Variants in TPRKB observed in about 807,000 individuals in gnomAD.
TPRKB encodes the protein EKC/KEOPS complex subunit TPRKB.
Under a neutral mutation model 17.8 loss-of-function variants are expected in TPRKB, and 11 were observed. That is an observed-to-expected ratio of 0.62 (90% CI 0.39 to 1.02). TPRKB has a LOEUF of 1.02. Ranked by LOEUF, TPRKB falls within the 50% of genes least tolerant of loss-of-function variation. The pLI is 0.00. For synonymous variants in TPRKB, 71 were observed against 69.5 expected (o/e 1.02, Z -0.11); for missense variants, 228 against 198.0 (o/e 1.15, Z -0.91).
rs774449039 is a variant in TPRKB, at chr2:73,730,628, G to C, written c.373C>G (p.Gln125Glu). The part of the protein sequence containing the change: ...KQINQEYLIS[Q>E]VEGHQVSLKN... ...AGAGAAACCTGATGACCTTCTACTT[G>C]AGATATTAGGTATTCTTGATTTATT... The change falls in exon 4 of 5, where the codon CAA becomes GAA. Residue 125 changes from glutamine to glutamate, a missense_variant. Transcript: ENST00000272424. 8 of 1,589,690 alleles carry C rather than the reference G, an allele frequency of 5.0e-6. No homozygotes were observed. In the East Asian group the frequency reaches 1.8e-4, roughly 36 times the overall value.
intron 1 of TPRKB, among the ~76,000 whole-genome samples, chr2:73,735,092 G>A (rs1671817040): frequency 2.0e-5 from 3 of 152,150 alleles, no homozygotes; most frequent in South Asian, 4.1e-4. Flanking sequence ...ACTCTGGGAG[G>A]CCGAGGCGAG....
At chr2:73,733,567 T>G (rs1002818821) in intron 2 of TPRKB, among the ~76,000 whole-genome samples, 1 of 152,086 alleles carries the variant, frequency 6.6e-6, no homozygotes, top group Non-Finnish European at 1.5e-5. Context: ...ACTGTCTTGT[T>G]AGGAACCCCC....
intron 1 of TPRKB, among the ~76,000 whole-genome samples, chr2:73,735,984 G>A (rs1671858600): frequency 6.6e-6 from 1 of 151,984 alleles, no homozygotes; most frequent in African/African-American, 2.4e-5. Flanking sequence ...GTGTAAAAAC[G>A]GCAATAAATA....
intron 3 of TPRKB, among the ~76,000 whole-genome samples, chr2:73,731,398 CTGAATTATGTCTAA>C (rs1403220908): frequency 1.2e-4 from 19 of 152,266 alleles, no homozygotes; most frequent in Middle Eastern, 3.4e-3. Context: ...CAAGAGTTTT[CTGAATTATGTCTAA>C]TGATCTCAAG....
intron 1 of TPRKB, among the ~76,000 whole-genome samples, 158 bp downstream of exon 1, chr2:73,737,144 G>C (rs895908811): frequency 2.0e-5 from 3 of 152,114 alleles, no homozygotes; most frequent in African/African-American, 7.3e-5. Context: ...TTCTTGAGGG[G>C]ACAGCCTGAC....
chr2:73,734,396 G>A, intron 2 of TPRKB, 33 bp downstream of exon 2: 1 of 1,596,354 alleles, frequency 6.3e-7, no homozygotes, highest in Non-Finnish European at 8.5e-7. Flanking sequence ...ACCGCACCCA[G>A]CAGGCTCATT....
intron 4 of TPRKB, 120 bp from the exon 5 acceptor site, chr2:73,730,149 A>C: frequency 8.5e-7 from 1 of 1,183,096 alleles, no homozygotes; most frequent in Non-Finnish European, 1.1e-6. Flanking sequence ...ATGGTATAAC[A>C]AACAACAAAT....
chr2:73,735,625 G>A (rs1671844823), intron 1 of TPRKB, among the ~76,000 whole-genome samples: 1 of 152,106 alleles, frequency 6.6e-6, no homozygotes, highest in African/African-American at 2.4e-5. Flanking sequence ...AAAAGGATAG[G>A]TTATTATATA....
chr2:73,734,805 C>A (rs527447964), intron 1 of TPRKB, among the ~76,000 whole-genome samples: 156 of 152,322 alleles, frequency 1.0e-3, no homozygotes, highest in African/African-American at 3.6e-3. Flanking sequence ...CGCCAAGGGG[C>A]CCAGCTGGTT....
chr2:73,737,165 T>G (rs1671933824), intron 1 of TPRKB, 137 bp downstream of exon 1: 1 of 152,346 alleles, frequency 6.6e-6, no homozygotes, highest in Middle Eastern at 3.2e-3. Flanking sequence ...TCTATCATTC[T>G]CGTGCTGCAT....
intron 2 of TPRKB, among the ~76,000 whole-genome samples, chr2:73,733,556 G>C (rs931417210): frequency 2.6e-4 from 39 of 152,038 alleles, no homozygotes; most frequent in Non-Finnish European, 5.4e-4. Context: ...CTCCTCTACA[G>C]ACTGTCTTGT....
At chr2:73,731,912 C>G (rs1671628794) in intron 3 of TPRKB, 1 of 300,940 alleles carries the variant, frequency 3.3e-6, no homozygotes, top group African/African-American at 2.2e-5. Flanking sequence ...CTTGAGGGGT[C>G]TTCCTGACCC....
At position 73,732,170 on chromosome 2, in the gene TPRKB, T is replaced by C. The variant is rs1317079603; in HGVS notation, c.257A>G (p.Asn86Ser). The C allele has an allele frequency of 1.9e-6, 3 of 1,613,430 alleles. No individual in the cohort carries two copies. Among genetic ancestry groups the C allele is most frequent in the Non-Finnish European group, 2.5e-6 (3 of 1,179,802 alleles). ...STEIIFNLSP[N>S]NNISEALKKF... ...TAGGAAAGTGCACATTACATTGTTA[T>C]TTGGGGAAAGGTTGAAAATAATTTC... The change falls in exon 3 of 5, where the codon AAT (asparagine) becomes AGT (serine). Residue 86 changes from asparagine to serine, a missense_variant. Transcript: ENST00000272424.
chr2:73,731,671 G>A (rs1344445449), intron 3 of TPRKB, among the ~76,000 whole-genome samples: 1 of 152,096 alleles, frequency 6.6e-6, no homozygotes, highest in African/African-American at 2.4e-5. Context: ...CATTGAAAAA[G>A]CATTACTATA....
At chr2:73,736,669 T>C in intron 1 of TPRKB, among the ~76,000 whole-genome samples, 1 of 152,210 alleles carries the variant, frequency 6.6e-6, no homozygotes. Flanking sequence ...CTAGGTCACA[T>C]CGCTCATCTA....
intron 2 of TPRKB, among the ~76,000 whole-genome samples, chr2:73,733,600 G>T (rs1671735750): frequency 6.6e-6 from 1 of 151,972 alleles, no homozygotes; most frequent in African/African-American, 2.4e-5. Context: ...AGAAGCTGGA[G>T]ATCCAGGCAT....
chr2:73,730,376 T>G (rs187172070), intron 4 of TPRKB, 184 bp downstream of exon 4: 15 of 492,398 alleles, frequency 3.0e-5, no homozygotes, highest in African/African-American at 2.2e-4. Context: ...GAGTTTGTAA[T>G]TATATTTTAC....
intron 2 of TPRKB, among the ~76,000 whole-genome samples, chr2:73,732,940 T>C (rs1250271410): frequency 6.6e-6 from 1 of 152,028 alleles, no homozygotes; most frequent in Non-Finnish European, 1.5e-5. Context: ...GTAGTAGCAG[T>C]AGTAGTAGTA....
At position 73,732,212 on chromosome 2, in the gene TPRKB, G is replaced by T. The variant is rs1671643881; in HGVS notation, c.215C>A (p.Thr72Lys). The T allele has an allele frequency of 6.2e-7, 1 of 1,613,828 alleles. No individual in the cohort carries two copies. The highest frequency in any genetic ancestry group is 1.3e-5 in the African/African-American group (1 of 75,020). The change falls in exon 3 of 5, where the codon ACA becomes AAA. Residue 72 changes from threonine (T) to lysine (K), a missense_variant. By Grantham distance (78) the Thr-to-Lys change is moderately conservative. Coordinates refer to ENST00000272424, the MANE Select transcript of TPRKB (RefSeq NM_016058.5). The part of the protein sequence containing the change: ...VHLYKLGKMK[T>K]RTLSTEIIFN... ...AATAATTTCAGTAGATAGAGTTCTT[G>T]TCTTCATTTTTCCCAGTTTGTAGAG...
Sources: allele counts gnomAD v4.1 joint callset (sites outside exome capture counted in the v4.1 genomes callset), GRCh38; gene constraint gnomAD v4.1.1; transcripts MANE v1.5; gene names NCBI Gene and HGNC (gene_info 2026-07-23, HGNC 2026-07-21).